The following DNMT3A variants were observed in gnomAD, a reference collection of about 807,000 sequenced individuals.
DNMT3A encodes the protein DNA (cytosine-5)-methyltransferase 3A.
In DNMT3A, 267 loss-of-function variants were observed where a neutral mutation model predicts 117.6. The ratio of observed to expected loss-of-function variants is 2.27; its 90% CI spans 2.05 to 2.51. DNMT3A has a LOEUF of 2.51. Ranked by LOEUF, DNMT3A falls within the 30% of genes most tolerant of loss-of-function variation. The pLI, the probability that DNMT3A is intolerant of heterozygous loss-of-function variation, is 0.00. For synonymous variants in DNMT3A, 432 were observed against 474.8 expected (o/e 0.91, Z 1.17); for missense variants, 1,029 against 1,260.2 (o/e 0.82, Z 2.78).
intron 1 of DNMT3A, among the ~76,000 whole-genome samples, chr2:25,341,476 G>T (rs1160342886): frequency 6.9e-6 from 1 of 145,936 alleles, no homozygotes; most frequent in African/African-American, 2.5e-5. Context: ...CGCGGCGCAG[G>T]CCGGCGGTGG....
chr2:25,321,509 A>G (rs541108402), intron 1 of DNMT3A, among the ~76,000 whole-genome samples: 18 of 152,234 alleles, frequency 1.2e-4, no homozygotes, highest in South Asian at 6.2e-4. Flanking sequence ...TCACATCTGC[A>G]AAGTCCCTTT....
At chr2:25,266,315 G>A (rs1025211749) in intron 6 of DNMT3A, among the ~76,000 whole-genome samples, 11 of 152,166 alleles carry the variant, frequency 7.2e-5, no homozygotes, top group African/African-American at 2.4e-4. Flanking sequence ...GGTCAGGTAG[G>A]GCAAATAAGT....
intron 2 of DNMT3A, among the ~76,000 whole-genome samples, chr2:25,303,951 G>A (rs758734958): frequency 1.3e-5 from 2 of 152,246 alleles, no homozygotes; most frequent in Non-Finnish European, 2.9e-5. Flanking sequence ...CTGATGGGTT[G>A]AGCAAAGGAA....
chr2:25,289,135 C>T (rs575654964), intron 3 of DNMT3A, among the ~76,000 whole-genome samples: 1 of 150,342 alleles, frequency 6.7e-6, no homozygotes, highest in Non-Finnish European at 1.5e-5. Flanking sequence ...GACCGAGTCT[C>T]GCTCTGTTGC....
chr2:25,278,823 C>T (rs2031664971), intron 4 of DNMT3A, among the ~76,000 whole-genome samples: 1 of 150,256 alleles, frequency 6.7e-6, no homozygotes, highest in African/African-American at 2.5e-5. Flanking sequence ...GAATGAGACG[C>T]TGTCTCAAAA....
chr2:25,230,893 A>G lies in DNMT3A; in HGVS notation c.*3386T>C, dbSNP rs557868959. The G allele has an allele frequency of 6.7e-6, 1 of 149,458 alleles. No homozygotes were observed. Among genetic ancestry groups the G allele is most frequent in the South Asian group, 2.1e-4 (1 of 4,726 alleles). 9.3% of individuals were successfully genotyped at this position (149,458 alleles called of 1,614,324 possible). A position where few individuals can be genotyped will look rare whatever the true frequency, so the allele number is the denominator to read the frequency against. ...AACAAGTGCTCTCAAGCTGTCAGCCATAAGGGCTCCTCTGTGCCCAGCACT... is the reference window on the plus strand; with the variant it reads ...AACAAGTGCTCTCAAGCTGTCAGCCGTAAGGGCTCCTCTGTGCCCAGCACT... On this transcript the variant is annotated 3_prime_UTR_variant, in exon 23 of 23. Transcript: ENST00000321117.
intron 1 of DNMT3A, among the ~76,000 whole-genome samples, chr2:25,335,559 CAAGG>C (rs1181124727): frequency 1.3e-5 from 2 of 152,214 alleles, no homozygotes; most frequent in Non-Finnish European, 2.9e-5. Context: ...TTTACCTTTT[CAAGG>C]AAGGATCACT....
intron 6 of DNMT3A, 25 bp downstream of exon 6, chr2:25,274,916 G>A (rs371895908): frequency 2.7e-4 from 425 of 1,596,332 alleles, no homozygotes; most frequent in Non-Finnish European, 3.1e-4. Context: ...GGACGGGCTG[G>A]GGCCCAGGCC....
rs746498722 is a variant in DNMT3A, at chr2:25,244,248, G to A, written c.1758C>T (p.Cys586=). Residue 586 remains cysteine (C), a synonymous_variant, in exon 15 of 23, where the codon TGC becomes TGT. Coordinates refer to ENST00000321117, the MANE Select transcript of DNMT3A (RefSeq NM_022552.5). ...GCAGCCCGTAGGTACCCTTGTGCCCGCACATGTAGCAGTTCCAGGGGTCTT... is the reference window on the plus strand; with the variant it reads ...GCAGCCCGTAGGTACCCTTGTGCCCACACATGTAGCAGTTCCAGGGGTCTT... ...IKEDPWNCYM[C]GHKGTYGLLR... The A allele has an allele frequency of 5.6e-6, 9 of 1,613,790 alleles. No individual in the cohort carries two copies. Among genetic ancestry groups the A allele is most frequent in the South Asian group, 3.3e-5 (3 of 91,062 alleles).
rs753259596 is a variant in DNMT3A at position 25,246,309 on chromosome 2, T to C, written c.1280A>G (p.Glu427Gly). Reference protein sequence around the residue: ...SGPKGLEPPEEEKNPYKEVYT... With the variant: ...SGPKGLEPPEGEKNPYKEVYT... ...CACTTCTTTGTAGGGATTCTTCTCT[T>C]CTGGAGGAGGAAAGCAGGTGCCAAG... is the stretch of plus-strand genomic sequence containing the variant. The change falls in exon 11 of 23, where the codon GAA becomes GGA. Residue 427 changes from glutamate (E) to glycine (G), a missense_variant and splice_region_variant. Glu to Gly is a moderately conservative substitution (Grantham distance 98). Transcript: ENST00000321117. 1 of 1,598,062 alleles carries C rather than the reference T, an allele frequency of 6.3e-7. No individual in the cohort carries two copies. The highest frequency in any genetic ancestry group is 8.5e-7 in the Non-Finnish European group (1 of 1,171,020).
chr2:25,336,452 C>T (rs541545352), intron 1 of DNMT3A, among the ~76,000 whole-genome samples: 19 of 152,280 alleles, frequency 1.2e-4, no homozygotes, highest in Admixed American at 3.3e-4. Context: ...ATCACTCGCT[C>T]GCAGACCAGA....
chr2:25,253,982 G>T (rs186249329), intron 6 of DNMT3A, among the ~76,000 whole-genome samples: 6 of 151,144 alleles, frequency 4.0e-5, no homozygotes, highest in Non-Finnish European at 8.8e-5. Context: ...TGAGGCAAGA[G>T]AATCGCTTCA....
chr2:25,332,621 G>A (rs2035056616), intron 1 of DNMT3A, among the ~76,000 whole-genome samples: 1 of 152,238 alleles, frequency 6.6e-6, no homozygotes, highest in South Asian at 2.1e-4. Context: ...CAACTCGGGG[G>A]CCAGCATCTC....
intron 1 of DNMT3A, among the ~76,000 whole-genome samples, chr2:25,338,280 T>C (rs1032490933): frequency 6.6e-6 from 1 of 152,196 alleles, no homozygotes; most frequent in Non-Finnish European, 1.5e-5. Flanking sequence ...CTTAAACTCC[T>C]CTTTCAGACT....
chr2:25,250,323 G>A (rs1305389965), intron 6 of DNMT3A, among the ~76,000 whole-genome samples: 2 of 152,150 alleles, frequency 1.3e-5, no homozygotes, highest in African/African-American at 4.8e-5. Flanking sequence ...TGGCGATTCC[G>A]AAAAACACTG....
chr2:25,277,128 G>A (rs889110253), intron 4 of DNMT3A, among the ~76,000 whole-genome samples: 4 of 152,174 alleles, frequency 2.6e-5, no homozygotes, highest in Non-Finnish European at 5.9e-5. Context: ...CGTGGGCGGG[G>A]ACGGGGCGTC....
intron 3 of DNMT3A, among the ~76,000 whole-genome samples, chr2:25,297,478 C>G (rs2033157315): frequency 6.6e-6 from 1 of 150,426 alleles, no homozygotes; most frequent in Non-Finnish European, 1.5e-5. Context: ...TGCAGTGGAA[C>G]AGGTTTTTTA....
chr2:25,320,897 C>A (rs180823998), intron 1 of DNMT3A, among the ~76,000 whole-genome samples: 1 of 152,050 alleles, frequency 6.6e-6, no homozygotes, highest in Non-Finnish European at 1.5e-5. Flanking sequence ...TTTGGGAGGC[C>A]GAGGAGGGTG....
At chr2:25,276,576 C>A (rs1046874503) in intron 4 of DNMT3A, among the ~76,000 whole-genome samples, 3 of 152,246 alleles carry the variant, frequency 2.0e-5, no homozygotes, top group African/African-American at 7.2e-5. Flanking sequence ...TCCCAGGCAT[C>A]CCCCTGCACT....
Sources: gnomAD v4.1 joint callset for allele counts (sites outside exome capture counted in the v4.1 genomes callset) on GRCh38, gnomAD v4.1.1 for gene constraint, MANE v1.5 for transcripts, NCBI Gene and HGNC (gene_info 2026-07-23, HGNC 2026-07-21) for gene names.